The following PWWP2B variants were observed in gnomAD, a reference collection of about 807,000 sequenced individuals.
The protein encoded by PWWP2B is PWWP domain containing 2B.
Under a neutral mutation model 15.5 loss-of-function variants are expected in PWWP2B, and 9 were observed. That is an observed-to-expected ratio of 0.58 (90% CI 0.35 to 1.02). The LOEUF (loss-of-function observed/expected upper bound fraction) is 1.02. Among genes scored for constraint, PWWP2B ranks in the 50% least tolerant of loss-of-function variants. PWWP2B has a pLI of 0.02. For missense variants in PWWP2B, 864 were observed against 865.3 expected, an observed-to-expected ratio of 1.00 and a Z score of 0.02; for synonymous variants, 474 against 403.6, an observed-to-expected ratio of 1.17 and a Z score of -2.09.
chr10:132,398,923 C>T lies in PWWP2B; in HGVS notation c.125+1572C>T, dbSNP rs543582549. Reference sequence around the variant, plus strand: ...CTGAAGGTAGAGCAGGCTCCCCGACCCCCAGTCCTGAGGCTTGTCCTGGAA... The same window carrying T: ...CTGAAGGTAGAGCAGGCTCCCCGACTCCCAGTCCTGAGGCTTGTCCTGGAA... On this transcript the variant is annotated intron_variant, in intron 1 of 2. Transcript: ENST00000305233. 3.6e-5 allele frequency among the ~76,000 whole-genome samples: 4 copies of T among 110,756 alleles called. No homozygotes were observed. The South Asian group carries it at 7.2e-4, about 20-fold the overall frequency. The allele number at this position is 110,756 out of a possible 152,430, so 72.7% of individuals were successfully genotyped here. A position where few individuals can be genotyped will look rare whatever the true frequency, so the allele number is the denominator to read the frequency against.
chr10:132,409,382 T>C (rs2133160577), intron 2 of PWWP2B, among the ~76,000 whole-genome samples: 1 of 152,316 alleles, frequency 6.6e-6, no homozygotes, highest in African/African-American at 2.4e-5. Context: ...AGCCTCCTGC[T>C]TCAGGTGCAG....
intron 2 of PWWP2B, among the ~76,000 whole-genome samples, chr10:132,409,398 G>A (rs1015527218): frequency 3.9e-5 from 6 of 152,188 alleles, no homozygotes; most frequent in Middle Eastern, 3.2e-3. Context: ...TGCAGGCACC[G>A]GACATGCAGG....
At chr10:132,399,585 CTT>C (rs1319868842) in intron 1 of PWWP2B, among the ~76,000 whole-genome samples, 3 of 152,276 alleles carry the variant, frequency 2.0e-5, no homozygotes, top group Admixed American at 2.0e-4. Context: ...GCAAGATTCT[CTT>C]GAGTGTCAGC....
intron 2 of PWWP2B, among the ~76,000 whole-genome samples, chr10:132,412,754 C>T (rs567617577): frequency 2.9e-4 from 44 of 152,340 alleles, no homozygotes; most frequent in African/African-American, 1.0e-3. Flanking sequence ...TGCGGCCACC[C>T]CCCGCTTGCA....
At chr10:132,414,579 G>C (rs1357430588) in intron 2 of PWWP2B, among the ~76,000 whole-genome samples, 1 of 138,836 alleles carries the variant, frequency 7.2e-6, no homozygotes, top group Non-Finnish European at 1.7e-5. Flanking sequence ...GCTGGAGGAT[G>C]CATAGGTGGA....
At position 132,415,667 on chromosome 10, in the gene PWWP2B, ACT is replaced by A. The variant is rs781658005; in HGVS notation, c.*17-1392_*17-1391del. On this transcript the variant is annotated intron_variant, in intron 2 of 2. Coordinates refer to ENST00000305233, the MANE Select transcript of PWWP2B (RefSeq NM_138499.4). ...CACTCACACACACATGCACTCACAC[ACT>A]CACACACACATATCCACACACACAT... Among the ~76,000 whole-genome samples, 246 of 148,318 alleles carry A rather than the reference ACT, an allele frequency of 1.7e-3. 1 individual carries two copies. The highest frequency in any genetic ancestry group is 1.4e-3 in the East Asian group (7 of 4,954).
rs1437794408 is a variant in PWWP2B, at chr10:132,404,912, C to T, written c.412C>T (p.Leu138=). The T allele has an allele frequency of 3.7e-5, 59 of 1,595,376 alleles. No individual in the cohort carries two copies. The highest frequency in any genetic ancestry group is 5.0e-5 in the Non-Finnish European group (59 of 1,178,514). ...GCTGTGGCTCCGGGACACGTACAAG[C>T]TGTGGGTGCCCCAGCCGCCGCCCAG... is the stretch of plus-strand genomic sequence containing the variant. ...HPLWLRDTYK[L]WVPQPPPRTI... The change falls in exon 2 of 3, where the codon CTG becomes TTG. Residue 138 remains leucine (L), a synonymous_variant. Coordinates refer to ENST00000305233, the MANE Select transcript of PWWP2B (RefSeq NM_138499.4).
At chr10:132,400,862 G>A (rs1399669918) in intron 1 of PWWP2B, among the ~76,000 whole-genome samples, 2 of 152,262 alleles carry the variant, frequency 1.3e-5, no homozygotes, top group Non-Finnish European at 2.9e-5. Context: ...AGGAAGGAAG[G>A]TCCAGGGTGA....
chr10:132,400,224 G>A lies in PWWP2B; in HGVS notation c.125+2873G>A, dbSNP rs114786938. ...CCCTTGGGGAGTGAGAGGGACACAGGCCTAGTGCATTGAAGGCCAGGGCAC... is the reference window on the plus strand; with the variant it reads ...CCCTTGGGGAGTGAGAGGGACACAGACCTAGTGCATTGAAGGCCAGGGCAC... On this transcript the variant is annotated intron_variant, in intron 1 of 2. Coordinates refer to ENST00000305233, the MANE Select transcript of PWWP2B (RefSeq NM_138499.4). Among the ~76,000 whole-genome samples the A allele has an allele frequency of 3.2e-3, 481 of 152,298 alleles. 2 individuals are homozygous for A. The highest frequency in any genetic ancestry group is 0.011 in the African/African-American group (444 of 41,576).
chr10:132,406,230 T>C lies in PWWP2B; in HGVS notation c.1730T>C (p.Val577Ala). ...ITEAANAARH[V>A]APEIRELLTQ... is the part of the protein sequence containing the mutation. ...GAGGCTGCAAATGCCGCAAGACACG[T>C]GGCCCCGGAAATCAGGGAGCTCTTA... Residue 577 changes from valine (V) to alanine (A), a missense_variant, in exon 2 of 3, where the codon GTG (valine) becomes GCG (alanine). By Grantham distance (64) the Val-to-Ala change is moderately conservative. Around this residue, in one of 2 missense-constraint regions of PWWP2B, gnomAD observed 128 missense variants for 177.6 expected, o/e 0.72. Coordinates refer to ENST00000305233, the MANE Select transcript of PWWP2B (RefSeq NM_138499.4). 1.2e-6 allele frequency: 2 copies of C among 1,611,604 alleles called. No individual in the cohort carries two copies. The highest frequency in any genetic ancestry group is 1.7e-6 in the Non-Finnish European group (2 of 1,178,726).
At chr10:132,415,552 TTC>T (rs2069838560) in intron 2 of PWWP2B, among the ~76,000 whole-genome samples, 1 of 119,954 alleles carries the variant, frequency 8.3e-6, no homozygotes, top group African/African-American at 3.4e-5. Flanking sequence ...CTCACACACA[TTC>T]ACACAAACAC....
chr10:132,400,759 C>T (rs35949669), intron 1 of PWWP2B, among the ~76,000 whole-genome samples: 4 of 152,086 alleles, frequency 2.6e-5, no homozygotes, highest in African/African-American at 7.2e-5. Context: ...GGCTGTCCTG[C>T]GCTGCGCTGA....
chr10:132,411,584 C>G (rs550319166), intron 2 of PWWP2B, among the ~76,000 whole-genome samples: 2 of 152,250 alleles, frequency 1.3e-5, no homozygotes, highest in Non-Finnish European at 2.9e-5. Context: ...CAGAAAGGTC[C>G]GCTGTGCACA....
At position 132,406,281 on chromosome 10, in the gene PWWP2B, C is replaced by G. The variant is rs562616593; in HGVS notation, c.*8C>G. On this transcript the variant is annotated 3_prime_UTR_variant, in exon 2 of 3. Transcript: ENST00000305233. ...ACCCAGTTTGAAACGTAACTGGTTC[C>G]CTGACCAGGTGAGTGTGCCAGCGGC... 137 of 1,603,240 alleles carry G rather than the reference C, an allele frequency of 8.5e-5. No individual in the cohort carries two copies. Among genetic ancestry groups the G allele is most frequent in the Non-Finnish European group, 1.1e-4 (130 of 1,173,382 alleles).
intron 1 of PWWP2B, among the ~76,000 whole-genome samples, chr10:132,400,413 C>A (rs1295954814): frequency 9.2e-5 from 14 of 152,122 alleles, no homozygotes; most frequent in African/African-American, 3.4e-4. Flanking sequence ...ACCCTTGAGT[C>A]CAGGACACAG....
chr10:132,414,682 G>T (rs748211461), intron 2 of PWWP2B, among the ~76,000 whole-genome samples: 16 of 152,254 alleles, frequency 1.1e-4, no homozygotes, highest in Non-Finnish European at 1.6e-4. Flanking sequence ...TTCCTTCTGA[G>T]AAATGGAAGA....
intron 1 of PWWP2B, among the ~76,000 whole-genome samples, chr10:132,404,346 C>G (rs1479291275): frequency 1.3e-5 from 2 of 152,168 alleles, no homozygotes; most frequent in Admixed American, 6.5e-5. Flanking sequence ...AGATTCGGAG[C>G]CTCTGGGCCT....
At chr10:132,413,437 G>A (rs138419345) in intron 2 of PWWP2B, among the ~76,000 whole-genome samples, 5 of 152,198 alleles carry the variant, frequency 3.3e-5, no homozygotes, top group Admixed American at 2.6e-4. Context: ...CGCCCTGCCC[G>A]TCTTTTTGTC....
chr10:132,404,871 C>T lies in PWWP2B; in HGVS notation c.371C>T (p.Ala124Val), dbSNP rs778116134. 37 of 1,592,326 alleles carry T rather than the reference C, an allele frequency of 2.3e-5. No homozygotes were observed. The highest frequency in any genetic ancestry group is 2.8e-5 in the Non-Finnish European group (33 of 1,176,538). Residue 124 changes from alanine (A) to valine (V), a missense_variant, in exon 2 of 3, where the codon GCC (alanine) becomes GTC (valine). Physicochemically the swap from Ala to Val is moderately conservative, Grantham distance 64 (BLOSUM62 0). This residue lies in a region of PWWP2B where 736 missense variants were observed against 687.7 expected (regional missense o/e 1.07). Transcript: ENST00000305233. The stretch of plus-strand genomic sequence containing the variant: ...CCGTACCCTCCCTACTTCGAAGGCG[C>T]CCCCTTCCCTCACCCGCTGTGGCTC... ...LPPYPPYFEG[A>V]PFPHPLWLRD...
Sources: gnomAD v4.1 joint callset for allele counts (sites outside exome capture counted in the v4.1 genomes callset) on GRCh38, gnomAD v4.1.1 for gene constraint, gnomAD v4.1.1 regional missense constraint, MANE v1.5 for transcripts, NCBI Gene and HGNC (gene_info 2026-07-23, HGNC 2026-07-21) for gene names.